Variants in LYPD6 observed in about 807,000 individuals in gnomAD.
LYPD6 encodes ly6/PLAUR domain-containing protein 6.
Under a neutral mutation model 22.7 loss-of-function variants are expected in LYPD6, and 15 were observed. The observed-to-expected ratio is 0.66, with a 90% CI of 0.44 to 1.02. LYPD6 has a LOEUF of 1.02. Ranked by LOEUF, LYPD6 falls within the 50% of genes least tolerant of loss-of-function variation. The pLI is 0.00. For synonymous variants in LYPD6, 72 were observed against 77.5 expected, an observed-to-expected ratio of 0.93 and a Z score of 0.37; for missense variants, 189 against 208.4, an observed-to-expected ratio of 0.91 and a Z score of 0.57.
intron 3 of LYPD6, among the ~76,000 whole-genome samples, chr2:149,463,920 G>A (rs1315198358): frequency 6.6e-6 from 1 of 151,966 alleles, no homozygotes. Flanking sequence ...CAACATGAGG[G>A]ATCCTTATGG....
chr2:149,330,243 C>G (rs1680902337), upstream of LYPD6: 1 of 152,084 alleles, frequency 6.6e-6, no homozygotes, highest in Non-Finnish European at 1.5e-5. Context: ...GCTTCCAACG[C>G]TCACTGGGAA....
chr2:149,442,787 T>C (rs1326773061), intron 2 of LYPD6, among the ~76,000 whole-genome samples: 1 of 152,192 alleles, frequency 6.6e-6, no homozygotes, highest in Non-Finnish European at 1.5e-5. Flanking sequence ...ATACCTTAAT[T>C]ATCCACTGAA....
At chr2:149,360,266 G>C (rs1050338100) in intron 1 of LYPD6, among the ~76,000 whole-genome samples, 1 of 152,186 alleles carries the variant, frequency 6.6e-6, no homozygotes, top group Non-Finnish European at 1.5e-5. Context: ...ACCACAACTT[G>C]TTTATCAGCA....
At chr2:149,442,897 T>C (rs549732532) in intron 2 of LYPD6, among the ~76,000 whole-genome samples, 1 of 152,258 alleles carries the variant, frequency 6.6e-6, no homozygotes, top group South Asian at 2.1e-4. Flanking sequence ...CAAGCAAATA[T>C]TAAACTCTAG....
rs572584599 is a variant in LYPD6, at chr2:149,467,437, C to T, written c.218-1208C>T. Among the ~76,000 whole-genome samples the T allele has an allele frequency of 4.6e-5, 7 of 152,284 alleles. No individual in the cohort carries two copies. In the East Asian group the frequency reaches 1.4e-3, roughly 29 times the overall value. On this transcript the variant is annotated intron_variant, in intron 3 of 4. Coordinates refer to ENST00000334166, the MANE Select transcript of LYPD6 (RefSeq NM_194317.5). The stretch of plus-strand genomic sequence containing the variant: ...AGGGTCTCTAGGAAGACTGTTAAAA[C>T]CCCTGAGTTTTGATGACTTCCAGGA...
At chr2:149,439,135 C>T (rs1479078129) in intron 2 of LYPD6, among the ~76,000 whole-genome samples, 3 of 152,220 alleles carry the variant, frequency 2.0e-5, no homozygotes, top group Middle Eastern at 3.4e-3. Context: ...TTTTTATTAT[C>T]GTTGGCTTAG....
intron 3 of LYPD6, among the ~76,000 whole-genome samples, chr2:149,458,555 A>T (rs1681018344): frequency 6.6e-6 from 1 of 152,196 alleles, no homozygotes; most frequent in Non-Finnish European, 1.5e-5. Flanking sequence ...ACCACTTGTC[A>T]TACCAGGAAG....
At chr2:149,443,496 C>CT (rs202027078) in intron 2 of LYPD6, among the ~76,000 whole-genome samples, 55 of 151,622 alleles carry the variant, frequency 3.6e-4, no homozygotes, top group East Asian at 1.7e-3. Context: ...TGCTTTGTAT[C>CT]TTTTTTTTTC....
intron 3 of LYPD6, among the ~76,000 whole-genome samples, chr2:149,468,397 C>T (rs1219110312): frequency 6.6e-6 from 1 of 152,026 alleles, no homozygotes; most frequent in East Asian, 1.9e-4. Flanking sequence ...AAGGAGAAAC[C>T]ATTGTGTCTT....
chr2:149,330,402 T>TGGGCCGCGCGCGCC (rs1680907222), upstream of LYPD6: 1 of 150,620 alleles, frequency 6.6e-6, no homozygotes, highest in South Asian at 2.1e-4. Flanking sequence ...CTCCCGGAGT[T>TGGGCCGCGCGCGCC]GGGCCGCGCG....
At chr2:149,368,636 G>T (rs1681733118) in intron 1 of LYPD6, among the ~76,000 whole-genome samples, 1 of 152,160 alleles carries the variant, frequency 6.6e-6, no homozygotes, top group South Asian at 2.1e-4. Flanking sequence ...TTACCTTAAA[G>T]GAATCAAGGG....
At chr2:149,432,865 T>C (rs983895181) in intron 1 of LYPD6, among the ~76,000 whole-genome samples, 1 of 152,194 alleles carries the variant, frequency 6.6e-6, no homozygotes, top group Admixed American at 6.5e-5. Context: ...GAGGTTATGT[T>C]CATTGGTTTT....
intron 1 of LYPD6, among the ~76,000 whole-genome samples, chr2:149,409,045 G>C (rs1462287686): frequency 6.6e-6 from 1 of 152,170 alleles, no homozygotes; most frequent in Admixed American, 6.5e-5. Context: ...GATGTCATAA[G>C]GAAGATGTGT....
intron 3 of LYPD6, among the ~76,000 whole-genome samples, chr2:149,456,876 G>A (rs577643875): frequency 6.6e-6 from 1 of 152,276 alleles, no homozygotes; most frequent in African/African-American, 2.4e-5. Flanking sequence ...GTTCTTTGTA[G>A]AAGTGGAATC....
At chr2:149,464,226 A>G in intron 3 of LYPD6, 1 of 353,364 alleles carries the variant, frequency 2.8e-6, no homozygotes, top group Non-Finnish European at 5.6e-6. Flanking sequence ...GACTAAGACA[A>G]CATGGAGAAG....
the LYPD6 span, among the ~76,000 whole-genome samples, chr2:149,479,247 G>GC: frequency 1.3e-5 from 2 of 152,114 alleles, no homozygotes; most frequent in African/African-American, 4.8e-5. Flanking sequence ...TAGAAAACCT[G>GC]CCTTCTATAC....
At chr2:149,332,186 A>C (rs1420434888) in intron 1 of LYPD6, among the ~76,000 whole-genome samples, 2 of 152,246 alleles carry the variant, frequency 1.3e-5, no homozygotes, top group African/African-American at 4.8e-5. Flanking sequence ...AATAAGACTT[A>C]AAAGAGGCTT....
At chr2:149,364,636 G>A (rs1237702011) in intron 1 of LYPD6, among the ~76,000 whole-genome samples, 4 of 148,122 alleles carry the variant, frequency 2.7e-5, no homozygotes, top group Non-Finnish European at 5.9e-5. Flanking sequence ...GCATCCTTTT[G>A]GATACATTTT....
chr2:149,354,716 G>C (rs1374203205), intron 1 of LYPD6, among the ~76,000 whole-genome samples: 1 of 152,146 alleles, frequency 6.6e-6, no homozygotes, highest in Non-Finnish European at 1.5e-5. Flanking sequence ...GCATAAGGGG[G>C]CTTGGAATGC....
Sources: gnomAD v4.1 joint callset for allele counts (sites outside exome capture counted in the v4.1 genomes callset) on GRCh38, gnomAD v4.1.1 for gene constraint, MANE v1.5 for transcripts, NCBI Gene and HGNC (gene_info 2026-07-23, HGNC 2026-07-21) for gene names.